The following PCDHA7 variants were observed in gnomAD, a reference collection of about 807,000 sequenced individuals.
PCDHA7 encodes protocadherin alpha 7, also known as protocadherin alpha-7.
A neutral mutation model predicts 57.2 loss-of-function variants in PCDHA7; 37 were observed. The observed-to-expected ratio is 0.65, with a 90% CI of 0.50 to 0.85. The LOEUF (loss-of-function observed/expected upper bound fraction) is 0.85. Ranked by LOEUF, PCDHA7 falls within the 40% of genes least tolerant of loss-of-function variation. The pLI, the probability that PCDHA7 is intolerant of heterozygous loss-of-function variation, is 0.00. For synonymous variants in PCDHA7, 553 were observed against 558.8 expected, an observed-to-expected ratio of 0.99 and a Z score of 0.15; for missense variants, 1,188 against 1,241.8, an observed-to-expected ratio of 0.96 and a Z score of 0.65.
Position 140,883,090 on chromosome 5 carries a change from T to C in PCDHA7, c.2355+46352T>C, listed in dbSNP as rs550322124. On this transcript the variant is annotated intron_variant, in intron 1 of 3. Transcript: ENST00000525929. ...CCACAGATCCTGATGATGGTACAAA[T>C]GGAGATATAGTTTACTCATTTAGAA... The C allele has an allele frequency of 1.4e-4, 226 of 1,614,138 alleles. 1 individual carries two copies. In the South Asian group the frequency reaches 2.4e-3, roughly 17 times the overall value.
intron 1 of PCDHA7, among the ~76,000 whole-genome samples, chr5:140,935,292 G>A (rs782760921): frequency 3.0e-4 from 46 of 152,068 alleles, no homozygotes; most frequent in Non-Finnish European, 3.8e-4. Context: ...TCAGCACTCC[G>A]AGGTTTTTAC....
chr5:140,842,600 G>C (rs1778125962), intron 1 of PCDHA7: 1 of 1,543,982 alleles, frequency 6.5e-7, no homozygotes. Flanking sequence ...GGTGGTAACC[G>C]CGCGGGACGG....
intron 1 of PCDHA7, among the ~76,000 whole-genome samples, chr5:140,971,680 A>C (rs185214999): frequency 1.1e-4 from 17 of 152,268 alleles, no homozygotes; most frequent in African/African-American, 4.1e-4. Context: ...AGAGTAAGGG[A>C]ATTTGTACTC....
intron 1 of PCDHA7, among the ~76,000 whole-genome samples, chr5:140,921,954 C>A (rs970694644): frequency 2.0e-5 from 3 of 151,586 alleles, no homozygotes; most frequent in African/African-American, 7.3e-5. Context: ...TGTAAAATCC[C>A]AGAAAACCAA....
chr5:140,956,434 T>G (rs1554222427), intron 1 of PCDHA7, among the ~76,000 whole-genome samples: 1 of 152,236 alleles, frequency 6.6e-6, no homozygotes, highest in Non-Finnish European at 1.5e-5. Flanking sequence ...TTAGTTCTGC[T>G]TATGTGATGA....
At chr5:140,881,988 C>A in intron 1 of PCDHA7, 1 of 434,968 alleles carries the variant, frequency 2.3e-6, no homozygotes, top group Non-Finnish European at 4.0e-6. Flanking sequence ...GTGAAAATGT[C>A]AGGAAATGCA....
At position 140,915,626 on chromosome 5, in the gene PCDHA7, G is replaced by GTCTCTCTCTCTC. The variant is rs57920489; in HGVS notation, c.2356-63304_2356-63293dup. 2.6e-4 allele frequency among the ~76,000 whole-genome samples: 38 copies of GTCTCTCTCTCTC among 146,532 alleles called. No individual in the cohort carries two copies. In the Middle Eastern group the frequency reaches 0.011, roughly 41 times the overall value. Reference sequence around the variant, plus strand: ...ACTTTCTGTCAAACAGTCTCTTTCTGTCTCTCTCTCTCTCTCTCTCTCTCT... The same window carrying GTCTCTCTCTCTC: ...ACTTTCTGTCAAACAGTCTCTTTCTGTCTCTCTCTCTCTCTCTCTCTCTCTCTCTCTCTCTCT... On this transcript the variant is annotated intron_variant, in intron 1 of 3. Coordinates refer to ENST00000525929, the MANE Select transcript of PCDHA7 (RefSeq NM_018910.3).
chr5:140,926,325 T>C (rs1441503834), intron 1 of PCDHA7: 1 of 151,866 alleles, frequency 6.6e-6, no homozygotes, highest in African/African-American at 2.4e-5. Flanking sequence ...TGCGCCGGGG[T>C]CAGAGCGCCG....
In PCDHA7 at chr5:140,857,513, G is replaced by T. The variant is rs781950263; in HGVS notation, c.2355+20775G>T. 3 of 1,598,208 alleles carry T rather than the reference G, an allele frequency of 1.9e-6. No individual in the cohort carries two copies. In the South Asian group the frequency reaches 3.3e-5, roughly 18 times the overall value. On this transcript the variant is annotated intron_variant, in intron 1 of 3. Transcript: ENST00000525929. ...CGCGGACGCGCAGGAGAACGCCCTG[G>T]TGTCCTACTCTCTGGTGGAGCGGCG...
chr5:140,883,693 C>T (rs2059756382), intron 1 of PCDHA7: 2 of 1,613,790 alleles, frequency 1.2e-6, no homozygotes, highest in Non-Finnish European at 1.7e-6. Flanking sequence ...GCCACATCTT[C>T]ACGGTGTCTG....
In PCDHA7 at chr5:141,010,893, A is replaced by G. The variant is rs76323061; in HGVS notation, c.*956A>G. On this transcript the variant is annotated 3_prime_UTR_variant, in exon 4 of 4. Transcript: ENST00000525929. ...TAAATCTTTAAAGAGAAATATGAAT[A>G]CAATTCCCCTAAACTCTCCTCAAAA... is the stretch of plus-strand genomic sequence containing the variant. 0.018 allele frequency: 2,808 copies of G among 153,906 alleles called. 48 individuals are homozygous for G. The highest frequency in any genetic ancestry group is 0.029 in the Non-Finnish European group (1,995 of 68,040). 9.5% of individuals were successfully genotyped at this position (153,906 alleles called of 1,614,324 possible).
chr5:140,858,822 T>C (rs1334522952), intron 1 of PCDHA7: 2 of 340,086 alleles, frequency 5.9e-6, no homozygotes, highest in Non-Finnish European at 1.1e-5. Context: ...TGATTGTATT[T>C]GCATTACCAA....
At chr5:141,006,188 A>C (rs1319299509) in intron 3 of PCDHA7, among the ~76,000 whole-genome samples, 2 of 150,182 alleles carry the variant, frequency 1.3e-5, no homozygotes, top group Admixed American at 6.7e-5. Flanking sequence ...AGAGTTTGCT[A>C]TATGTATGTT....
chr5:140,928,177 A>G lies in PCDHA7; in HGVS notation c.2356-50772A>G, dbSNP rs781987562. Reference sequence around the variant, plus strand: ...TGGCTCACCCCCACTTAGCACCCGAAGGACAATCACTGTGTCAGTTGCTGA... The same window carrying G: ...TGGCTCACCCCCACTTAGCACCCGAGGGACAATCACTGTGTCAGTTGCTGA... On this transcript the variant is annotated intron_variant, in intron 1 of 3. Transcript: ENST00000525929. 8.7e-6 allele frequency: 14 copies of G among 1,614,218 alleles called. No homozygotes were observed. The East Asian group carries it at 2.7e-4, about 31-fold the overall frequency.
chr5:141,007,200 G>T (rs1437076735), intron 3 of PCDHA7, among the ~76,000 whole-genome samples: 2 of 152,010 alleles, frequency 1.3e-5, no homozygotes, highest in Admixed American at 6.6e-5. Context: ...GATGGTGGGG[G>T]CCAGAATATG....
At chr5:140,856,100 C>T (rs782183125) in intron 1 of PCDHA7, 2 of 1,597,876 alleles carry the variant, frequency 1.3e-6, no homozygotes, top group Non-Finnish European at 1.7e-6. Context: ...GCTCTCGCTT[C>T]TTCTCCTCGC....
chr5:140,858,178 G>A (rs887914398), intron 1 of PCDHA7: 1 of 1,597,564 alleles, frequency 6.3e-7, no homozygotes, highest in East Asian at 2.2e-5. Flanking sequence ...GCTTGCTGGT[G>A]CTCACGCTGC....
In PCDHA7 at chr5:140,927,795, G is replaced by T; in HGVS notation, c.2356-51154G>T. ...TGCAAGTAGCTGCTTCACTAGGTCC[G>T]CCTGAAACGCTCTTGGAGGCATACA... On this transcript the variant is annotated intron_variant, in intron 1 of 3. Transcript: ENST00000525929. The T allele has an allele frequency of 1.9e-6, 3 of 1,614,144 alleles. 1 individual carries two copies. The highest frequency in any genetic ancestry group is 2.2e-5 in the South Asian group (2 of 91,080).
At chr5:140,850,545 G>C in intron 1 of PCDHA7, 1 of 1,598,382 alleles carries the variant, frequency 6.3e-7, no homozygotes, top group South Asian at 1.1e-5. Context: ...GCGGGCGTCA[G>C]TGGGTGCCAC....
Sources: allele counts gnomAD v4.1 joint callset (sites outside exome capture counted in the v4.1 genomes callset), GRCh38; gene constraint gnomAD v4.1.1; transcripts MANE v1.5; gene names NCBI Gene and HGNC (gene_info 2026-07-23, HGNC 2026-07-21).